Variants in IL1RAP observed in about 807,000 individuals in gnomAD.
IL1RAP encodes interleukin 1 receptor accessory protein.
In IL1RAP, 35 loss-of-function variants were observed where a neutral mutation model predicts 60.7. The observed-to-expected ratio is 0.58, with a 90% confidence interval of 0.44 to 0.76. IL1RAP has a LOEUF of 0.76. IL1RAP is among the 30% of genes least tolerant of loss of function. IL1RAP has a pLI of 0.00. For synonymous variants in IL1RAP, 268 were observed against 250.9 expected (o/e 1.07, Z -0.64); for missense variants, 572 against 693.9 (o/e 0.82, Z 1.97).
At chr3:190,637,735 G>A (rs1733333771) in intron 9 of IL1RAP, among the ~76,000 whole-genome samples, 3 of 152,030 alleles carry the variant, frequency 2.0e-5, no homozygotes, top group Admixed American at 2.0e-4. Flanking sequence ...ACCATCACCA[G>A]AAAGTAACAT....
chr3:190,580,083 G>T (rs750865191), intron 3 of IL1RAP, among the ~76,000 whole-genome samples: 2 of 152,102 alleles, frequency 1.3e-5, no homozygotes, highest in South Asian at 4.1e-4. Flanking sequence ...TTTTTCTTGG[G>T]TATATAGCTG....
intron 3 of IL1RAP, among the ~76,000 whole-genome samples, chr3:190,594,373 C>G (rs1729202106): frequency 6.6e-6 from 1 of 152,220 alleles, no homozygotes; most frequent in Non-Finnish European, 1.5e-5. Context: ...CCTCCTTTCA[C>G]TTTCAGATTT....
intron 10 of IL1RAP, 58 bp downstream of exon 10, chr3:190,644,455 G>A (rs1733870889): frequency 1.5e-6 from 2 of 1,294,748 alleles, no homozygotes; most frequent in South Asian, 1.3e-5. Flanking sequence ...AACATATGTT[G>A]TAAAAAAAAG....
chr3:190,634,733 T>TTTTTG (rs1733075242), intron 9 of IL1RAP, among the ~76,000 whole-genome samples: 1 of 148,388 alleles, frequency 6.7e-6, no homozygotes, highest in Non-Finnish European at 1.5e-5. Flanking sequence ...TTGTTTTTTT[T>TTTTTG]GAGAAGGAGT....
rs115557725 is a variant in IL1RAP, at chr3:190,524,862, G to A, written c.-89+10643G>A. Among the ~76,000 whole-genome samples, 1,207 of 152,038 alleles carry A rather than the reference G, an allele frequency of 7.9e-3. 12 individuals carry two copies. Among genetic ancestry groups the A allele is most frequent in the African/African-American group, 0.027 (1,119 of 41,452 alleles). Reference sequence around the variant, plus strand: ...AATAAAATTTGACATACATATATGCGCATATACACACATATATATACACAT... The same window carrying A: ...AATAAAATTTGACATACATATATGCACATATACACACATATATATACACAT... On this transcript the variant is annotated intron_variant, in intron 1 of 11. Coordinates refer to ENST00000447382, the MANE Select transcript of IL1RAP (RefSeq NM_002182.4).
intron 5 of IL1RAP, among the ~76,000 whole-genome samples, chr3:190,619,862 G>A (rs1731616708): frequency 6.6e-6 from 1 of 152,106 alleles, no homozygotes; most frequent in Admixed American, 6.6e-5. Context: ...AGTGACTGGA[G>A]TCCCAAATTA....
intron 11 of IL1RAP, among the ~76,000 whole-genome samples, chr3:190,647,159 T>C (rs1367093366): frequency 1.3e-5 from 2 of 152,212 alleles, no homozygotes; most frequent in African/African-American, 4.8e-5. Context: ...TCTTTGACTC[T>C]GGGTCTCTTG....
chr3:190,633,398 T>G (rs2108829033), intron 9 of IL1RAP, among the ~76,000 whole-genome samples: 1 of 152,284 alleles, frequency 6.6e-6, no homozygotes, highest in African/African-American at 2.4e-5. Flanking sequence ...TCACTGTCAC[T>G]TAGGCTGCAG....
At chr3:190,617,993 A>G (rs1390518604) in intron 5 of IL1RAP, among the ~76,000 whole-genome samples, 2 of 152,208 alleles carry the variant, frequency 1.3e-5, no homozygotes, top group Non-Finnish European at 2.9e-5. Context: ...TGACAAGTTC[A>G]GTAAAAATAA....
chr3:190,656,641 T>C (rs1297615173), exon 12 of IL1RAP: 1 of 1,240,716 alleles, frequency 8.1e-7, no homozygotes, highest in East Asian at 2.6e-5. Flanking sequence ...CTACTATCTC[T>C]ACCAACCCTC....
chr3:190,542,248 G>A (rs2361832), intron 1 of IL1RAP, among the ~76,000 whole-genome samples: 110,455 of 152,012 alleles, frequency 0.73, 40,782 homozygotes, highest in Non-Finnish European at 0.8. Flanking sequence ...ATAAACTGTC[G>A]TGGATATGAA....
At chr3:190,645,467 CTT>C (rs1026783947) in intron 10 of IL1RAP, among the ~76,000 whole-genome samples, 3 of 152,164 alleles carry the variant, frequency 2.0e-5, no homozygotes, top group Non-Finnish European at 2.9e-5. Context: ...AAACCTCACT[CTT>C]TTTCCACTGT....
chr3:190,606,922 C>T (rs1041778689), intron 4 of IL1RAP, among the ~76,000 whole-genome samples: 4 of 152,130 alleles, frequency 2.6e-5, no homozygotes, highest in African/African-American at 7.2e-5. Context: ...AAAAAAAAGT[C>T]GGTTGAACCA....
intron 1 of IL1RAP, chr3:190,518,920 G>A (rs897374911): frequency 1.3e-5 from 2 of 152,216 alleles, no homozygotes; most frequent in African/African-American, 4.8e-5. Flanking sequence ...ATCAGCCTGT[G>A]TAACAGCACA....
At chr3:190,595,720 C>T (rs1454482368) in intron 3 of IL1RAP, among the ~76,000 whole-genome samples, 1 of 152,194 alleles carries the variant, frequency 6.6e-6, no homozygotes, top group Non-Finnish European at 1.5e-5. Flanking sequence ...TGGTTCTGGT[C>T]TCAGCCAAAT....
intron 8 of IL1RAP, 21 bp from the exon 9 acceptor site, chr3:190,629,328 AT>A: frequency 6.4e-7 from 1 of 1,553,350 alleles, no homozygotes; most frequent in Non-Finnish European, 8.8e-7. Context: ...AAATGCTTTG[AT>A]TTTCTTCTCT....
intron 1 of IL1RAP, among the ~76,000 whole-genome samples, chr3:190,526,069 A>G (rs1257167124): frequency 6.6e-6 from 1 of 152,234 alleles, no homozygotes; most frequent in East Asian, 1.9e-4. Context: ...GAAGTAGCTT[A>G]CAGGTCATCT....
In IL1RAP at chr3:190,639,716, G is replaced by GT. The variant is rs74489267; in HGVS notation, c.1052-4531dup. ...GTTACAATTTTGAGTTCTGAATTTC[G>GT]TAAGACAGTGTTAAATTTTGTTCTA... On this transcript the variant is annotated intron_variant, in intron 9 of 11. Transcript: ENST00000447382. Among the ~76,000 whole-genome samples, 163 of 152,114 alleles carry GT rather than the reference G, an allele frequency of 1.1e-3. 1 individual carries two copies. The highest frequency in any genetic ancestry group is 2.9e-3 in the East Asian group (15 of 5,176).
At chr3:190,610,745 A>G (rs1454432260) in intron 5 of IL1RAP, among the ~76,000 whole-genome samples, 1 of 152,158 alleles carries the variant, frequency 6.6e-6, no homozygotes, top group African/African-American at 2.4e-5. Flanking sequence ...CCACAAACAC[A>G]ATTTGTTGTA....
Sources: allele counts gnomAD v4.1 joint callset (sites outside exome capture counted in the v4.1 genomes callset), GRCh38; gene constraint gnomAD v4.1.1; transcripts MANE v1.5; gene names NCBI Gene and HGNC (gene_info 2026-07-23, HGNC 2026-07-21).